HTR2A: variants seen among roughly 807,000 people sequenced by gnomAD.
The protein encoded by HTR2A is 5-hydroxytryptamine receptor 2A, also known as 5-HT2 receptor.
HTR2A carries 14 observed loss-of-function variants against 31.0 expected under a neutral mutation model. The observed-to-expected ratio is 0.45, with a 90% CI of 0.30 to 0.71. HTR2A has a LOEUF of 0.71. Among genes scored for constraint, HTR2A ranks in the 30% least tolerant of loss-of-function variants. The pLI, the probability that HTR2A is intolerant of heterozygous loss-of-function variation, is 0.09. For missense variants in HTR2A, 442 were observed against 573.3 expected, an observed-to-expected ratio of 0.77 and a Z score of 2.34; for synonymous variants, 209 against 225.2, an observed-to-expected ratio of 0.93 and a Z score of 0.64.
At position 46,835,145 on chromosome 13, in the gene HTR2A, A is replaced by G; in HGVS notation, c.1108T>C (p.Tyr370His). 2 of 1,614,092 alleles carry G rather than the reference A, an allele frequency of 1.2e-6. No individual in the cohort carries two copies. The highest frequency in any genetic ancestry group is 1.7e-6 in the Non-Finnish European group (2 of 1,179,988). The change falls in exon 4 of 4, where the codon TAT becomes CAT. Residue 370 changes from tyrosine (Y) to histidine (H), a missense_variant. Tyr to His is a moderately conservative substitution (Grantham distance 83). Transcript: ENST00000542664. Reference protein sequence around the residue: ...ALLNVFVWIGYLSSAVNPLVY... With the variant: ...ALLNVFVWIGHLSSAVNPLVY... ...AGTGGGTTGACTGCTGAAGAGAGAT[A>G]ACCGATCCAAACAAACACATTGAGC... is the stretch of plus-strand genomic sequence containing the variant.
chr13:46,883,712 T>A (rs1566317838), intron 3 of HTR2A, among the ~76,000 whole-genome samples: 2 of 152,150 alleles, frequency 1.3e-5, no homozygotes, highest in African/African-American at 2.4e-5. Context: ...GAAGTCACAG[T>A]TACTGCTGAT....
At chr13:46,892,712 A>T (rs1476185720) in intron 2 of HTR2A, 122 bp from the exon 3 acceptor site, 1 of 729,480 alleles carries the variant, frequency 1.4e-6, no homozygotes, top group African/African-American at 1.8e-5. Context: ...GCAACACAAT[A>T]TATTTTTAGT....
Position 46,835,202 on chromosome 13 carries a change from CTT to C in HTR2A, c.1049_1050del (p.Lys350ArgfsTer5). On this transcript the variant is annotated frameshift_variant, in exon 4 of 4. Transcript: ENST00000542664. LOFTEE classifies it high-confidence loss of function. Reference protein sequence around the residue: ...FITNIMAVICKESCNEDVIGA... With the variant: ...FITNIMAVICXESCNEDVIGA... The stretch of plus-strand genomic sequence containing the variant: ...CCAATGACATCCTCATTGCAGGACT[CTT>C]TGCAGATGACGGCCATGATGTTTGT... The C allele has an allele frequency of 1.2e-6, 2 of 1,614,120 alleles. No homozygotes were observed. Among genetic ancestry groups the C allele is most frequent in the Non-Finnish European group, 1.7e-6 (2 of 1,180,014 alleles).
chr13:46,895,872 C>T lies in HTR2A; in HGVS notation c.35G>A (p.Ser12Asn), dbSNP rs545813583. 3.0e-4 allele frequency: 477 copies of T among 1,612,624 alleles called. 7 individuals carry two copies. The South Asian group carries it at 5.0e-3, about 17-fold the overall frequency. Residue 12 changes from serine to asparagine, a missense_variant, in exon 2 of 4, where the codon AGC (serine) becomes AAC (asparagine). Physicochemically the swap from Ser to Asn is conservative, Grantham distance 46. Around this residue, in one of 5 missense-constraint regions of HTR2A, gnomAD observed 83 missense variants for 84.8 expected, o/e 0.98. Coordinates refer to ENST00000542664, the MANE Select transcript of HTR2A (RefSeq NM_000621.5). This position sits in a 1 kb window ranked among gnomAD's most constrained non-coding sequence, Gnocchi z 4.4. The part of the protein sequence containing the change: ...DILCEENTSL[S>N]STTNSLMQLN... Reference sequence around the variant, plus strand: ...TTGCATTAGGGAGTTCGTAGTTGAGCTCAAAGAAGTATTTTCTTCACAAAG... The same window carrying T: ...TTGCATTAGGGAGTTCGTAGTTGAGTTCAAAGAAGTATTTTCTTCACAAAG...
chr13:46,893,991 C>T (rs1465573796), intron 2 of HTR2A, among the ~76,000 whole-genome samples: 2 of 152,234 alleles, frequency 1.3e-5, no homozygotes, highest in African/African-American at 4.8e-5. Context: ...AAAGCCTTTT[C>T]CTTTGCAGCG....
chr13:46,863,577 G>A (rs537688911), intron 3 of HTR2A, among the ~76,000 whole-genome samples: 51 of 124,628 alleles, frequency 4.1e-4, no homozygotes, highest in Non-Finnish European at 5.9e-4. Flanking sequence ...GAGCTATGAA[G>A]TAAGCTGCCA....
chr13:46,837,133 G>A (rs1424329016), intron 3 of HTR2A, among the ~76,000 whole-genome samples: 1 of 152,154 alleles, frequency 6.6e-6, no homozygotes, highest in Non-Finnish European at 1.5e-5. Context: ...AGTGAATAAA[G>A]GCAACCCCTG....
chr13:46,895,790 A>C lies in HTR2A; in HGVS notation c.117T>G (p.Thr39=). 6.2e-7 allele frequency: 1 copy of C among 1,614,174 alleles called. No homozygotes were observed. Among genetic ancestry groups the C allele is most frequent in the Non-Finnish European group, 8.5e-7 (1 of 1,180,032 alleles). The change falls in exon 2 of 4, where the codon ACT becomes ACG. Residue 39 remains threonine, a synonymous_variant. Transcript: ENST00000542664. The surrounding 1 kb of genome is among the most constrained non-coding windows in gnomAD (Gnocchi z 4.4). ...SNDFNSGEAN[T]SDAFNWTVDS... The stretch of plus-strand genomic sequence containing the variant: ...CGACTGTCCAGTTAAATGCATCAGA[A>C]GTGTTAGCTTCTCCGGAGTTAAAGT...
chr13:46,891,948 C>T (rs566256696), intron 3 of HTR2A, among the ~76,000 whole-genome samples: 1 of 152,176 alleles, frequency 6.6e-6, no homozygotes, highest in Admixed American at 6.5e-5. Context: ...TCTGGCCCAC[C>T]TTTTCCCTCC....
At chr13:46,884,978 T>G (rs564990365) in intron 3 of HTR2A, among the ~76,000 whole-genome samples, 89 of 152,262 alleles carry the variant, frequency 5.8e-4, no homozygotes, top group African/African-American at 1.9e-3. Flanking sequence ...GGTCCCCCCT[T>G]GTCTGAGGGC....
intron 3 of HTR2A, among the ~76,000 whole-genome samples, chr13:46,855,030 A>G (rs891696180): frequency 3.9e-5 from 6 of 152,158 alleles, no homozygotes; most frequent in African/African-American, 1.4e-4. Flanking sequence ...TGGGAGACGG[A>G]ACTATAAGTC....
intron 3 of HTR2A, among the ~76,000 whole-genome samples, chr13:46,880,018 A>AT (rs1950948070): frequency 1.3e-5 from 2 of 151,670 alleles, no homozygotes; most frequent in Non-Finnish European, 2.9e-5. Context: ...AACAAAAAAA[A>AT]ATCCAAGAAC....
chr13:46,873,567 G>C (rs748202473), intron 3 of HTR2A, among the ~76,000 whole-genome samples: 16 of 151,616 alleles, frequency 1.1e-4, no homozygotes, highest in Admixed American at 5.3e-4. Context: ...ATTTACATTA[G>C]GTGTATCTCC....
upstream of HTR2A, among the ~76,000 whole-genome samples, chr13:46,898,018 AT>A (rs1032959373): frequency 1.3e-5 from 2 of 151,988 alleles, no homozygotes; most frequent in African/African-American, 4.8e-5. Flanking sequence ...CTCTTCCTTC[AT>A]TCTCGCTGCC....
In HTR2A at chr13:46,835,095, G is replaced by C; in HGVS notation, c.1158C>G (p.Thr386=). 7.4e-6 allele frequency: 12 copies of C among 1,614,074 alleles called. No individual in the cohort carries two copies. Among genetic ancestry groups the C allele is most frequent in the Non-Finnish European group, 1.0e-5 (12 of 1,179,978 alleles). ...TATACCGTGAAAAGGCTGACCTATAGGTCTTGTTGAACAGTGTGTAGACTA... is the reference window on the plus strand; with the variant it reads ...TATACCGTGAAAAGGCTGACCTATACGTCTTGTTGAACAGTGTGTAGACTA... The part of the protein sequence containing the change: ...NPLVYTLFNK[T]YRSAFSRYIQ... The change falls in exon 4 of 4, where the codon ACC becomes ACG. Residue 386 remains threonine, a synonymous_variant. Coordinates refer to ENST00000542664, the MANE Select transcript of HTR2A (RefSeq NM_000621.5).
chr13:46,865,883 G>T (rs760430408), intron 3 of HTR2A, among the ~76,000 whole-genome samples: 5 of 152,174 alleles, frequency 3.3e-5, no homozygotes, highest in East Asian at 1.9e-4. Flanking sequence ...ATTGGAAGAT[G>T]TACAGATACT....
chr13:46,887,404 C>G (rs1951015390), intron 3 of HTR2A, among the ~76,000 whole-genome samples: 1 of 108,096 alleles, frequency 9.3e-6, no homozygotes, highest in Non-Finnish European at 1.7e-5. Flanking sequence ...GCGGGGGCGA[C>G]AGAGTGAGAC....
At chr13:46,891,257 G>A (rs1408187089) in intron 3 of HTR2A, among the ~76,000 whole-genome samples, 1 of 152,202 alleles carries the variant, frequency 6.6e-6, no homozygotes, top group African/African-American at 2.4e-5. Context: ...TGACACAAGT[G>A]TGATTTGTTA....
At chr13:46,856,973 G>A (rs9534496) in intron 3 of HTR2A, among the ~76,000 whole-genome samples, 129 of 152,078 alleles carry the variant, frequency 8.5e-4, no homozygotes, top group African/African-American at 3.0e-3. Context: ...CTGCTAGAAC[G>A]AACTGCCACA....
Sources: allele counts gnomAD v4.1 joint callset (sites outside exome capture counted in the v4.1 genomes callset), GRCh38; gene constraint gnomAD v4.1.1; regional missense constraint gnomAD v4.1.1; non-coding constraint Gnocchi (gnomAD v3.1); transcripts MANE v1.5; gene names NCBI Gene and HGNC (gene_info 2026-07-23, HGNC 2026-07-21).